Variants in UBXN2A observed in about 807,000 individuals in gnomAD.
The protein encoded by UBXN2A is UBX domain protein 2A.
A neutral mutation model predicts 28.4 loss-of-function variants in UBXN2A; 28 were observed. The ratio of observed to expected loss-of-function variants is 0.99; its 90% confidence interval spans 0.73 to 1.35. The LOEUF (loss-of-function observed/expected upper bound fraction) is 1.35, where lower values mean the gene tolerates loss of function less well. UBXN2A is among the 40% of genes most tolerant of loss of function. The pLI is 0.00. For missense variants in UBXN2A, 253 were observed against 297.9 expected (o/e 0.85, Z 1.11); for synonymous variants, 97 against 103.6 (o/e 0.94, Z 0.39).
intron 6 of UBXN2A, among the ~76,000 whole-genome samples, chr2:23,990,548 C>A (rs1280055514): frequency 7.3e-6 from 1 of 137,696 alleles, no homozygotes; most frequent in Non-Finnish European, 1.6e-5. Flanking sequence ...GGCGGGGGGG[C>A]GGATCACTTG....
In UBXN2A at chr2:23,958,274, TTACTTACTTTCTTTG is replaced by T. The variant is rs762782885; in HGVS notation, c.-14-21_-14-7del. The T allele has an allele frequency of 1.5e-4, 229 of 1,567,776 alleles. 1 individual carries two copies. Among genetic ancestry groups the T allele is most frequent in the Middle Eastern group, 3.5e-4 (2 of 5,704 alleles). ...ATTAAGCTTTTTACTTACTTTCTTT[TTACTTACTTTCTTTG>T]TACTTTTACAGTAAGGCGAAAGAGA... On this transcript the variant is annotated splice_polypyrimidine_tract_variant and intron_variant, in intron 1 of 6. Coordinates refer to ENST00000309033, the MANE Select transcript of UBXN2A (RefSeq NM_181713.4).
intron 5 of UBXN2A, among the ~76,000 whole-genome samples, chr2:23,983,798 C>T (rs538481858): frequency 1.3e-5 from 2 of 152,186 alleles, no homozygotes; most frequent in South Asian, 4.2e-4. Flanking sequence ...GCCTCAGCCC[C>T]TCTAGTAGCT....
At chr2:23,946,012 A>G (rs1706059727) in intron 1 of UBXN2A, among the ~76,000 whole-genome samples, 1 of 151,702 alleles carries the variant, frequency 6.6e-6, no homozygotes, top group Non-Finnish European at 1.5e-5. Context: ...TTGTATTTTT[A>G]GTAGGCACAG....
rs1174728628 is a variant in UBXN2A at position 23,958,331 on chromosome 2, A to G, written c.17A>G (p.Asn6Ser). The G allele has an allele frequency of 6.2e-7, 1 of 1,604,322 alleles. No individual in the cohort carries two copies. The highest frequency in any genetic ancestry group is 2.2e-5 in the East Asian group (1 of 44,456). The change falls in exon 2 of 7, where the codon AAC becomes AGC. Residue 6 changes from asparagine (N) to serine (S), a missense_variant. By Grantham distance (46) the Asn-to-Ser change is conservative. Coordinates refer to ENST00000309033, the MANE Select transcript of UBXN2A (RefSeq NM_181713.4). Reference sequence around the variant, plus strand: ...CGAAAGAGAATGAAAGACGTAGATAACCTCAAAAGTATAAAAGAAGAATGG... The same window carrying G: ...CGAAAGAGAATGAAAGACGTAGATAGCCTCAAAAGTATAAAAGAAGAATGG... MKDVD[N>S]LKSIKEEWVC... is the part of the protein sequence containing the mutation.
At chr2:23,967,214 GTAGA>G (rs1707217972) in intron 2 of UBXN2A, among the ~76,000 whole-genome samples, 1 of 152,058 alleles carries the variant, frequency 6.6e-6, no homozygotes, top group Non-Finnish European at 1.5e-5. Context: ...CTAGCATGTA[GTAGA>G]TACTCAATAA....
At chr2:23,958,462 A>G (rs1462249395) in intron 2 of UBXN2A, 107 bp downstream of exon 2, 4 of 1,045,150 alleles carry the variant, frequency 3.8e-6, no homozygotes, top group Non-Finnish European at 4.0e-6. Flanking sequence ...TTAATTATGT[A>G]TGACTACTTC....
chr2:23,962,605 CTT>C (rs1160440950), intron 2 of UBXN2A, among the ~76,000 whole-genome samples: 13 of 130,658 alleles, frequency 9.9e-5, no homozygotes, highest in Admixed American at 1.6e-4. Flanking sequence ...TTTTTTTATT[CTT>C]TTTTTTTTTT....
At chr2:23,932,326 T>TG (rs200832747) in intron 1 of UBXN2A, among the ~76,000 whole-genome samples, 52 of 105,354 alleles carry the variant, frequency 4.9e-4, no homozygotes, top group African/African-American at 1.0e-3. Flanking sequence ...CCCTCCGTCT[T>TG]GGGGGAAAAA....
chr2:23,958,576 T>G (rs563414722), intron 2 of UBXN2A, among the ~76,000 whole-genome samples: 2 of 152,230 alleles, frequency 1.3e-5, no homozygotes, highest in Non-Finnish European at 2.9e-5. Flanking sequence ...AGTTAAATTA[T>G]CTGTGTTCAT....
At chr2:23,962,296 A>C (rs1029217871) in intron 2 of UBXN2A, among the ~76,000 whole-genome samples, 10 of 152,240 alleles carry the variant, frequency 6.6e-5, no homozygotes, top group African/African-American at 2.4e-4. Context: ...TGCAGAACAC[A>C]GTAGACAATG....
At chr2:23,951,870 G>T (rs927815628) in intron 1 of UBXN2A, among the ~76,000 whole-genome samples, 3 of 151,980 alleles carry the variant, frequency 2.0e-5, no homozygotes, top group African/African-American at 7.3e-5. Context: ...CATTTTTAAA[G>T]TGAAGCAATT....
At chr2:23,982,298 C>T (rs1192304842) in intron 4 of UBXN2A, among the ~76,000 whole-genome samples, 1 of 151,342 alleles carries the variant, frequency 6.6e-6, no homozygotes, top group East Asian at 1.9e-4. Flanking sequence ...ACCCGGGAGG[C>T]GGAGCTTGCA....
chr2:23,964,899 T>G (rs1707099753), intron 2 of UBXN2A, among the ~76,000 whole-genome samples: 1 of 152,184 alleles, frequency 6.6e-6, no homozygotes, highest in African/African-American at 2.4e-5. Flanking sequence ...ATCCTAGCAC[T>G]GTGGGAGGCC....
At chr2:23,991,887 G>T (rs1387109626) in intron 6 of UBXN2A, among the ~76,000 whole-genome samples, 1 of 152,050 alleles carries the variant, frequency 6.6e-6, no homozygotes, top group Non-Finnish European at 1.5e-5. Context: ...TGCCTCCTGG[G>T]TTCAAGCAAT....
chr2:23,978,195 A>G (rs1230132652), intron 4 of UBXN2A, among the ~76,000 whole-genome samples: 1 of 152,046 alleles, frequency 6.6e-6, no homozygotes, highest in Non-Finnish European at 1.5e-5. Flanking sequence ...ACTTAAACTA[A>G]TTTACTTTAC....
At chr2:23,974,019 T>G (rs1203740716) in intron 3 of UBXN2A, among the ~76,000 whole-genome samples, 1 of 149,996 alleles carries the variant, frequency 6.7e-6, no homozygotes, top group Non-Finnish European at 1.5e-5. Flanking sequence ...ATGATTAATT[T>G]TTTTTTTTTT....
In UBXN2A at chr2:23,954,510, A is replaced by G. The variant is rs1706521407; in HGVS notation, c.-14-3791A>G. ...TTTTCCTCAGCAGCTGCAGTATTTCACATTCCCACCAGTAGCGTACCAGGG... is the reference window on the plus strand; with the variant it reads ...TTTTCCTCAGCAGCTGCAGTATTTCGCATTCCCACCAGTAGCGTACCAGGG... On this transcript the variant is annotated intron_variant, in intron 1 of 6. Transcript: ENST00000309033. Among the ~76,000 whole-genome samples the G allele has an allele frequency of 2.0e-5, 3 of 152,112 alleles. No homozygotes were observed. The South Asian group carries it at 6.2e-4, about 31-fold the overall frequency.
At chr2:23,993,836 C>T (rs1405806755) in intron 6 of UBXN2A, among the ~76,000 whole-genome samples, 3 of 151,878 alleles carry the variant, frequency 2.0e-5, no homozygotes, top group South Asian at 2.1e-4. Context: ...TACAGGCATG[C>T]GCTACCACAC....
rs893554784 is a variant in UBXN2A, at chr2:23,995,710, G to GA, written c.585-3952dup. Among the ~76,000 whole-genome samples the GA allele has an allele frequency of 2.3e-3, 323 of 140,284 alleles. 1 individual carries two copies. Among genetic ancestry groups the GA allele is most frequent in the African/African-American group, 7.9e-3 (302 of 38,088 alleles). The allele number at this position is 140,284 out of a possible 152,430, so 92.0% of individuals were successfully genotyped here. On this transcript the variant is annotated intron_variant, in intron 6 of 6. Coordinates refer to ENST00000309033, the MANE Select transcript of UBXN2A (RefSeq NM_181713.4). ...TCTGTCTCAAAAAAAAAAAAGAAAA[G>GA]AAAAAAAAAAGAAAATGCATTTAAT...
Sources: gnomAD v4.1 joint callset for allele counts (sites outside exome capture counted in the v4.1 genomes callset) on GRCh38, gnomAD v4.1.1 for gene constraint, MANE v1.5 for transcripts, NCBI Gene and HGNC (gene_info 2026-07-23, HGNC 2026-07-21) for gene names.